The following EIF2B3 variants were observed in gnomAD, a reference collection of about 807,000 sequenced individuals.
The protein encoded by EIF2B3 is translation initiation factor eIF2B subunit gamma.
Under a neutral mutation model 54.1 loss-of-function variants are expected in EIF2B3, and 20 were observed. The ratio of observed to expected loss-of-function variants is 0.37; its 90% CI spans 0.26 to 0.54. The LOEUF (loss-of-function observed/expected upper bound fraction) is 0.54, where lower values mean the gene tolerates loss of function less well. EIF2B3 is among the 20% of genes least tolerant of loss of function. The pLI, the probability that EIF2B3 is intolerant of heterozygous loss-of-function variation, is 0.86. For synonymous variants in EIF2B3, 153 were observed against 188.1 expected (o/e 0.81, Z 1.52); for missense variants, 448 against 547.8 (o/e 0.82, Z 1.82).
chr1:44,934,379 C>G (rs950829995), intron 4 of EIF2B3, among the ~76,000 whole-genome samples: 1 of 151,756 alleles, frequency 6.6e-6, no homozygotes, highest in Non-Finnish European at 1.5e-5. Context: ...GCCTGGGTGA[C>G]AGAGTGAGAC....
At chr1:44,974,762 G>A (rs930260647) in intron 3 of EIF2B3, among the ~76,000 whole-genome samples, 4 of 151,956 alleles carry the variant, frequency 2.6e-5, no homozygotes, top group African/African-American at 9.7e-5. Context: ...GGTCCTAAAC[G>A]AATCTATAAT....
chr1:44,927,283 C>T (rs3903059), intron 4 of EIF2B3, among the ~76,000 whole-genome samples: 1,618 of 152,170 alleles, frequency 0.011, 33 homozygotes, highest in African/African-American at 0.037. Context: ...GCAGGGTATA[C>T]AGGAAGCATA....
intron 1 of EIF2B3, among the ~76,000 whole-genome samples, chr1:44,985,970 T>A (rs1204204159): frequency 6.6e-6 from 1 of 152,162 alleles, no homozygotes; most frequent in African/African-American, 2.4e-5. Context: ...TATATTTCAC[T>A]GCCCTGCATC....
intron 3 of EIF2B3, among the ~76,000 whole-genome samples, chr1:44,945,206 C>T (rs1192942757): frequency 6.6e-6 from 1 of 151,886 alleles, no homozygotes; most frequent in Non-Finnish European, 1.5e-5. Flanking sequence ...GTTTCCTACT[C>T]TTCTGCTTAA....
intron 3 of EIF2B3, among the ~76,000 whole-genome samples, chr1:44,945,255 A>G (rs895318620): frequency 6.8e-5 from 7 of 103,400 alleles, no homozygotes; most frequent in Admixed American, 2.0e-4. Context: ...CTCTGAGACT[A>G]AAAAAAAAAA....
intron 5 of EIF2B3, among the ~76,000 whole-genome samples, chr1:44,913,921 G>C (rs1160852769): frequency 1.4e-5 from 2 of 142,032 alleles, no homozygotes; most frequent in African/African-American, 5.3e-5. Context: ...CCGCCTCCCG[G>C]GTTCAAGTGA....
At chr1:44,856,425 G>C (rs1268393184) in intron 11 of EIF2B3, among the ~76,000 whole-genome samples, 1 of 149,586 alleles carries the variant, frequency 6.7e-6, no homozygotes, top group Non-Finnish European at 1.5e-5. Context: ...TGAGGCACAA[G>C]AACCACCTGG....
At chr1:44,958,436 G>A (rs1054234190) in intron 3 of EIF2B3, 37 of 571,708 alleles carry the variant, frequency 6.5e-5, no homozygotes, top group African/African-American at 6.4e-4. Context: ...AAACCAGATC[G>A]GAGTCTCACT....
At chr1:44,890,682 T>C (rs1303525948) in intron 6 of EIF2B3, among the ~76,000 whole-genome samples, 1 of 151,942 alleles carries the variant, frequency 6.6e-6, no homozygotes, top group Non-Finnish European at 1.5e-5. Flanking sequence ...GTCTGGGGGG[T>C]TGCAGTGTGG....
At position 44,978,427 on chromosome 1, in the gene EIF2B3, T is replaced by C. The variant is rs780307542; in HGVS notation, c.182A>G (p.Lys61Arg). 1 of 1,613,666 alleles carries C rather than the reference T, an allele frequency of 6.2e-7. No homozygotes were observed. Among genetic ancestry groups the C allele is most frequent in the Non-Finnish European group, 8.5e-7 (1 of 1,179,974 alleles). Residue 61 changes from lysine (K) to arginine (R), a missense_variant, in exon 3 of 12, where the codon AAG becomes AGG. Around this residue, in one of 3 missense-constraint regions of EIF2B3, gnomAD observed 95 missense variants for 115.7 expected, o/e 0.82. Coordinates refer to ENST00000360403, the MANE Select transcript of EIF2B3 (RefSeq NM_020365.5). ...VIVVTTRDVQ[K>R]ALCAEFKMKM... ...CATCTTGAATTCTGCACATAGAGCC[T>C]TTTGAACATCCCTGGTTGTAACCAC...
intron 11 of EIF2B3, among the ~76,000 whole-genome samples, chr1:44,854,068 T>A (rs1347876899): frequency 3.3e-5 from 5 of 150,778 alleles, no homozygotes; most frequent in African/African-American, 9.9e-5. Context: ...AGTGGTATGA[T>A]CTCTGCTCAC....
intron 3 of EIF2B3, among the ~76,000 whole-genome samples, chr1:44,977,770 C>CA (rs1644468015): frequency 6.6e-6 from 1 of 151,886 alleles, no homozygotes; most frequent in Admixed American, 6.6e-5. Flanking sequence ...TAGAGTATGT[C>CA]TTTTTTTTCT....
rs552584851 is a variant in EIF2B3 at position 44,852,587 on chromosome 1, C to T, written c.1307-1584G>A. Among the ~76,000 whole-genome samples the T allele has an allele frequency of 3.9e-5, 6 of 152,060 alleles. No homozygotes were observed. In the South Asian group the frequency reaches 1.2e-3, roughly 32 times the overall value. ...CTGAGGTCGGGAGTTCAAGACCAGC[C>T]TGGCCAACATGATGGAACCCCATCT... On this transcript the variant is annotated intron_variant, in intron 11 of 11. Coordinates refer to ENST00000360403, the MANE Select transcript of EIF2B3 (RefSeq NM_020365.5).
At chr1:44,917,494 C>CAA (rs1351668302) in intron 5 of EIF2B3, among the ~76,000 whole-genome samples, 5 of 76,796 alleles carry the variant, frequency 6.5e-5, no homozygotes, top group African/African-American at 1.0e-4. Context: ...AACTCCATCT[C>CAA]AAAAAAAAAA....
intron 3 of EIF2B3, among the ~76,000 whole-genome samples, chr1:44,954,053 G>GC (rs1370250530): frequency 1.3e-5 from 2 of 151,978 alleles, no homozygotes; most frequent in African/African-American, 2.4e-5. Flanking sequence ...GTAGAATTAC[G>GC]CCAAAATCAT....
chr1:44,907,890 CAAAAAAAAAA>C (rs71587071), intron 5 of EIF2B3, among the ~76,000 whole-genome samples: 1 of 47,070 alleles, frequency 2.1e-5, no homozygotes, highest in Admixed American at 2.5e-4. Flanking sequence ...AACTCCATCT[CAAAAAAAAAA>C]AAAAAAAAAA....
intron 5 of EIF2B3, among the ~76,000 whole-genome samples, chr1:44,899,442 G>T (rs1192477609): frequency 6.6e-6 from 1 of 152,136 alleles, no homozygotes. Context: ...AATGACAAAG[G>T]TGTAATATCA....
intron 5 of EIF2B3, among the ~76,000 whole-genome samples, chr1:44,923,410 A>G (rs1643790598): frequency 6.6e-6 from 1 of 152,238 alleles, no homozygotes; most frequent in Non-Finnish European, 1.5e-5. Flanking sequence ...GTCATTGTTT[A>G]TAGTTGCCAG....
chr1:44,873,981 TTTTTTTGAATA>T, intron 10 of EIF2B3, among the ~76,000 whole-genome samples: 1 of 152,002 alleles, frequency 6.6e-6, no homozygotes, highest in South Asian at 2.1e-4. Flanking sequence ...TTTTTTAAAA[TTTTTTTGAATA>T]TTTGCATTAT....
Sources: allele counts gnomAD v4.1 joint callset (sites outside exome capture counted in the v4.1 genomes callset), GRCh38; gene constraint gnomAD v4.1.1; regional missense constraint gnomAD v4.1.1; transcripts MANE v1.5; gene names NCBI Gene and HGNC (gene_info 2026-07-23, HGNC 2026-07-21).